The following ADGRL2 variants were observed in gnomAD, a reference collection of about 807,000 sequenced individuals.
ADGRL2 encodes the protein calcium-independent alpha-latrotoxin receptor 2.
ADGRL2 carries 44 observed loss-of-function variants against 157.4 expected under a neutral mutation model. That is an observed-to-expected ratio of 0.28 (90% CI 0.22 to 0.36). The LOEUF (loss-of-function observed/expected upper bound fraction) is 0.36, where lower values mean the gene tolerates loss of function less well. ADGRL2 is among the 10% of genes least tolerant of loss of function. The probability of loss-of-function intolerance (pLI) is 1.00; values close to 1 mark genes in which losing one functional copy is unlikely to be tolerated. For missense variants in ADGRL2, 1,510 were observed against 1,768.9 expected (o/e 0.85, Z 2.63); for synonymous variants, 585 against 624.7 (o/e 0.94, Z 0.95).
Position 81,767,342 on chromosome 1 carries a change from G to A in ADGRL2, c.-101+5490G>A, listed in dbSNP as rs1487684601. Among the ~76,000 whole-genome samples the A allele has an allele frequency of 3.3e-5, 5 of 152,106 alleles. No homozygotes were observed. The East Asian group carries it at 9.7e-4, about 29-fold the overall frequency. ...GTCTTGCAAATTTATAAGTAGATAT[G>A]TGCAAAAATTTATACAGGGCAGTGG... On this transcript the variant is annotated intron_variant, in intron 2 of 20. Transcript: ENST00000359929.
At chr1:81,935,078 T>C (rs2095290300) in intron 3 of ADGRL2, among the ~76,000 whole-genome samples, 1 of 151,992 alleles carries the variant, frequency 6.6e-6, no homozygotes, top group Admixed American at 6.6e-5. Flanking sequence ...ATTGAGAAAC[T>C]GTAAACCTAC....
At chr1:81,890,326 T>C (rs1378956038) in intron 2 of ADGRL2, among the ~76,000 whole-genome samples, 4 of 152,238 alleles carry the variant, frequency 2.6e-5, no homozygotes, top group Non-Finnish European at 5.9e-5. Flanking sequence ...AACTTTGTTA[T>C]TTAAATAAAT....
intron 3 of ADGRL2, among the ~76,000 whole-genome samples, chr1:81,593,232 A>T (rs1284600339): frequency 6.6e-6 from 1 of 152,202 alleles, no homozygotes; most frequent in Non-Finnish European, 1.5e-5. Flanking sequence ...CAGTAGCAGG[A>T]TAAAACACAA....
chr1:81,632,445 T>C (rs1305565870), intron 3 of ADGRL2, among the ~76,000 whole-genome samples: 1 of 152,026 alleles, frequency 6.6e-6, no homozygotes, highest in Non-Finnish European at 1.5e-5. Flanking sequence ...GTGTGCAGCT[T>C]GGAGTGTTTA....
intron 3 of ADGRL2, among the ~76,000 whole-genome samples, chr1:81,609,070 C>T (rs1299291511): frequency 6.6e-6 from 1 of 150,612 alleles, no homozygotes; most frequent in African/African-American, 2.4e-5. Context: ...GCAGAGTTCT[C>T]GCTCTGTCAC....
intron 2 of ADGRL2, among the ~76,000 whole-genome samples, chr1:81,508,667 T>C (rs529303482): frequency 1.1e-4 from 17 of 152,312 alleles, no homozygotes; most frequent in East Asian, 5.8e-4. Flanking sequence ...CATGAAGCCC[T>C]ATGCATAGGG....
intron 3 of ADGRL2, among the ~76,000 whole-genome samples, chr1:81,915,292 T>C (rs2094830067): frequency 6.6e-6 from 1 of 152,090 alleles, no homozygotes; most frequent in Admixed American, 6.6e-5. Flanking sequence ...TTGCCCTGGC[T>C]GGTCTCAAAA....
intron 3 of ADGRL2, among the ~76,000 whole-genome samples, chr1:81,913,393 A>C (rs1467229522): frequency 6.6e-6 from 1 of 152,168 alleles, no homozygotes; most frequent in Non-Finnish European, 1.5e-5. Context: ...AATTGAGTGC[A>C]TACTTCCACA....
At chr1:81,367,606 C>A (rs1455239403) in intron 1 of ADGRL2, among the ~76,000 whole-genome samples, 3 of 152,074 alleles carry the variant, frequency 2.0e-5, no homozygotes, top group Non-Finnish European at 2.9e-5. Context: ...ATTGCCCAGG[C>A]TGGAGCGCAA....
chr1:81,390,888 C>T (rs909194720), intron 1 of ADGRL2, among the ~76,000 whole-genome samples: 3 of 152,290 alleles, frequency 2.0e-5, no homozygotes, highest in Non-Finnish European at 4.4e-5. Flanking sequence ...AAAGATGCTG[C>T]CACACACACC....
intron 2 of ADGRL2, among the ~76,000 whole-genome samples, chr1:81,794,548 T>G (rs1011107973): frequency 1.3e-5 from 2 of 152,204 alleles, no homozygotes; most frequent in Admixed American, 6.5e-5. Flanking sequence ...TTTCCCCAAA[T>G]TTTTCATTAA....
At position 81,842,353 on chromosome 1, in the gene ADGRL2, CTTTTTTT is replaced by C. The variant is rs71085377; in HGVS notation, c.73+5312_73+5318del. On this transcript the variant is annotated intron_variant, in intron 2 of 23. Transcript: ENST00000686636. Reference sequence around the variant, plus strand: ...AAAGGATTTTTTTTTTCTTTTAGCGCTTTTTTTTTTTTTTTTTTTTTTAAGATGGAGT... The same window carrying C: ...AAAGGATTTTTTTTTTCTTTTAGCGCTTTTTTTTTTTTTTTAAGATGGAGT... Among the ~76,000 whole-genome samples, 10 of 54,958 alleles carry C rather than the reference CTTTTTTT, an allele frequency of 1.8e-4. No individual in the cohort carries two copies. In the East Asian group the frequency reaches 3.2e-3, roughly 17 times the overall value. The allele number at this position is 54,958 out of a possible 152,430, so 36.1% of individuals were successfully genotyped here. A position where few individuals can be genotyped will look rare whatever the true frequency, so the allele number is the denominator to read the frequency against.
chr1:81,805,060 T>C (rs1275543169), intron 1 of ADGRL2, among the ~76,000 whole-genome samples: 1 of 152,194 alleles, frequency 6.6e-6, no homozygotes, highest in African/African-American at 2.4e-5. Context: ...TAATTCTGTT[T>C]AAATATTGTT....
chr1:81,490,409 G>A (rs1424423415), intron 2 of ADGRL2, among the ~76,000 whole-genome samples: 4 of 152,036 alleles, frequency 2.6e-5, no homozygotes, highest in Admixed American at 6.6e-5. Flanking sequence ...TGGGATTACA[G>A]GCATGAGCCA....
rs1332369302 is a variant in ADGRL2, at chr1:81,992,700, C to G, written c.*1555C>G. Among the ~76,000 whole-genome samples, 2 of 152,004 alleles carry G rather than the reference C, an allele frequency of 1.3e-5. No homozygotes were observed. Among genetic ancestry groups the G allele is most frequent in the African/African-American group, 4.8e-5 (2 of 41,360 alleles). On this transcript the variant is annotated 3_prime_UTR_variant, in exon 24 of 24. Coordinates refer to ENST00000686636, the MANE Select transcript of ADGRL2 (RefSeq NM_001366006.2). ...ACTAAAAAAAGAAGGATTGGAAGTT[C>G]TGCCATCAAATTTGGGTATCATAAA...
chr1:81,383,860 A>T (rs1048745917), intron 1 of ADGRL2, among the ~76,000 whole-genome samples: 8 of 148,972 alleles, frequency 5.4e-5, no homozygotes, highest in African/African-American at 2.0e-4. Flanking sequence ...AGGCTGAGGC[A>T]GGAGAATCAC....
intron 1 of ADGRL2, among the ~76,000 whole-genome samples, chr1:81,337,016 A>C (rs1284272131): frequency 6.6e-6 from 1 of 152,128 alleles, no homozygotes; most frequent in Non-Finnish European, 1.5e-5. Flanking sequence ...ATCAGCGAGA[A>C]GCAGCCTTGA....
intron 2 of ADGRL2, among the ~76,000 whole-genome samples, chr1:81,846,147 G>T (rs189499113): frequency 3.3e-4 from 50 of 151,908 alleles, no homozygotes; most frequent in African/African-American, 1.2e-3. Context: ...CAACACAGTA[G>T]TTGAAGTTTG....
At chr1:81,859,686 G>C (rs2093328405) in intron 2 of ADGRL2, among the ~76,000 whole-genome samples, 1 of 152,078 alleles carries the variant, frequency 6.6e-6, no homozygotes, top group Non-Finnish European at 1.5e-5. Context: ...GGGATTACAG[G>C]CATGTGTCAC....
Sources: allele counts gnomAD v4.1 joint callset (sites outside exome capture counted in the v4.1 genomes callset), GRCh38; gene constraint gnomAD v4.1.1; transcripts MANE v1.5; gene names NCBI Gene and HGNC (gene_info 2026-07-23, HGNC 2026-07-21).